The following SHROOM3 variants were observed in gnomAD, a reference collection of about 807,000 sequenced individuals.
The protein encoded by SHROOM3 is protein Shroom3.
A neutral mutation model predicts 138.6 loss-of-function variants in SHROOM3; 47 were observed. The ratio of observed to expected loss-of-function variants is 0.34; its 90% CI spans 0.27 to 0.43. The LOEUF is 0.43. SHROOM3 is among the 20% of genes least tolerant of loss of function. SHROOM3 has a pLI of 1.00. For synonymous variants in SHROOM3, 1,062 were observed against 1,063.3 expected, an observed-to-expected ratio of 1.00 and a Z score of 0.02; for missense variants, 2,491 against 2,596.5, an observed-to-expected ratio of 0.96 and a Z score of 0.88.
chr4:76,756,530 G>T lies in SHROOM3; in HGVS notation c.4791G>T (p.Leu1597=). The T allele has an allele frequency of 1.5e-5, 24 of 1,613,640 alleles. No homozygotes were observed. The highest frequency in any genetic ancestry group is 2.0e-5 in the Non-Finnish European group (24 of 1,179,978). Residue 1597 remains leucine (L), a synonymous_variant, in exon 8 of 11, where the codon CTG becomes CTT. Coordinates refer to ENST00000296043, the MANE Select transcript of SHROOM3 (RefSeq NM_020859.4). ...GAAHVVGSQT[L]ASRLQTSIKG... ...CCCATGTGGTAGGTAGTCAGACACT[G>T]GCTTCCAGACTCCAAACTTCTATCA...
intron 2 of SHROOM3, among the ~76,000 whole-genome samples, chr4:76,567,522 C>T (rs1411266144): frequency 1.3e-5 from 2 of 152,048 alleles, no homozygotes; most frequent in African/African-American, 4.8e-5. Context: ...TCGTGGTGAG[C>T]GCCTGTAGTC....
In SHROOM3 at chr4:76,511,049, G is replaced by A. The variant is rs996161893; in HGVS notation, c.169-44560G>A. On this transcript the variant is annotated intron_variant, in intron 1 of 10. Coordinates refer to ENST00000296043, the MANE Select transcript of SHROOM3 (RefSeq NM_020859.4). ...TACAAAAAATTAGCCAAGTGTGGTG[G>A]TTGGCGCCTGTAATCTCAGCTACTC... is the stretch of plus-strand genomic sequence containing the variant. Among the ~76,000 whole-genome samples the A allele has an allele frequency of 5.3e-4, 80 of 152,218 alleles. 1 individual carries two copies. The highest frequency in any genetic ancestry group is 2.8e-4 in the Non-Finnish European group (19 of 68,024).
chr4:76,741,557 C>T lies in SHROOM3; in HGVS notation c.3384C>T (p.Leu1128=), dbSNP rs747966989. Residue 1128 remains leucine (L), a synonymous_variant, in exon 5 of 11, where the codon CTC becomes CTT. Coordinates refer to ENST00000296043, the MANE Select transcript of SHROOM3 (RefSeq NM_020859.4). This position sits in a 1 kb window ranked among gnomAD's most constrained non-coding sequence, Gnocchi z 6.2. Reference sequence around the variant, plus strand: ...ACCTCCAGCCCGGCCCCGCGGCGCTCGAAGGCTCCGGCCTCGCCTCGGCCT... The same window carrying T: ...ACCTCCAGCCCGGCCCCGCGGCGCTTGAAGGCTCCGGCCTCGCCTCGGCCT... ...SAYLQPGPAA[L]EGSGLASASS... is the part of the protein sequence containing the mutation. 7 of 1,546,132 alleles carry T rather than the reference C, an allele frequency of 4.5e-6. No individual in the cohort carries two copies. The highest frequency in any genetic ancestry group is 6.1e-6 in the Non-Finnish European group (7 of 1,152,270).
At chr4:76,679,742 T>G (rs886935537) in intron 2 of SHROOM3, among the ~76,000 whole-genome samples, 5 of 152,186 alleles carry the variant, frequency 3.3e-5, no homozygotes, top group African/African-American at 1.2e-4. Context: ...CAGCTCAGCC[T>G]GTCCATCCTG....
chr4:76,447,102 C>G (rs961412229), intron 1 of SHROOM3, among the ~76,000 whole-genome samples: 14 of 152,172 alleles, frequency 9.2e-5, no homozygotes, highest in Non-Finnish European at 1.9e-4. Flanking sequence ...TTGGCCTCAT[C>G]TCTCACTCAT....
intron 1 of SHROOM3, among the ~76,000 whole-genome samples, chr4:76,443,475 C>T (rs1246710809): frequency 6.6e-6 from 1 of 152,170 alleles, no homozygotes; most frequent in Admixed American, 6.5e-5. Flanking sequence ...TTAACTAATC[C>T]ATAGACAGAC....
Position 76,511,713 on chromosome 4 carries a change from T to A in SHROOM3, c.169-43896T>A, listed in dbSNP as rs745687483. 2.0e-5 allele frequency among the ~76,000 whole-genome samples: 3 copies of A among 152,314 alleles called. No homozygotes were observed. The East Asian group carries it at 5.8e-4, about 29-fold the overall frequency. ...GAAAAAATTTCAAATAAAACACCCA[T>A]GTGTTGCCAGTCTATTCAAATATGT... On this transcript the variant is annotated intron_variant, in intron 1 of 10. Coordinates refer to ENST00000296043, the MANE Select transcript of SHROOM3 (RefSeq NM_020859.4).
chr4:76,501,999 T>G (rs78994135), intron 1 of SHROOM3, among the ~76,000 whole-genome samples: 358 of 152,252 alleles, frequency 2.4e-3, no homozygotes, highest in African/African-American at 8.1e-3. Flanking sequence ...TATTGAGAAG[T>G]GGGGTCTTTA....
At chr4:76,768,668 G>A (rs1228587521) in intron 9 of SHROOM3, among the ~76,000 whole-genome samples, 2 of 152,012 alleles carry the variant, frequency 1.3e-5, no homozygotes, top group African/African-American at 4.8e-5. Flanking sequence ...CCACCATCAC[G>A]CCTGGCTAAT....
At chr4:76,659,664 C>T (rs1164869264) in intron 2 of SHROOM3, among the ~76,000 whole-genome samples, 2 of 152,156 alleles carry the variant, frequency 1.3e-5, no homozygotes, top group African/African-American at 4.8e-5. Flanking sequence ...TCACTGCAAC[C>T]TCCGCCTCCC....
intron 2 of SHROOM3, among the ~76,000 whole-genome samples, chr4:76,661,471 C>T (rs1441369200): frequency 6.6e-6 from 1 of 151,998 alleles, no homozygotes; most frequent in African/African-American, 2.4e-5. Flanking sequence ...ACCTCATGAT[C>T]CGCCCACCTC....
At chr4:76,628,734 T>C (rs1408551878) in intron 2 of SHROOM3, 1 of 152,190 alleles carries the variant, frequency 6.6e-6, no homozygotes, top group Non-Finnish European at 1.5e-5. Context: ...TTGAAGGGCA[T>C]TTAAAAATTA....
chr4:76,596,594 A>G (rs1734393337), intron 2 of SHROOM3, among the ~76,000 whole-genome samples: 1 of 147,834 alleles, frequency 6.8e-6, no homozygotes, highest in African/African-American at 2.6e-5. Flanking sequence ...ACACACACAC[A>G]CACACACACA....
chr4:76,728,698 T>C (rs1279146998), intron 3 of SHROOM3, among the ~76,000 whole-genome samples: 2 of 152,228 alleles, frequency 1.3e-5, no homozygotes, highest in African/African-American at 2.4e-5. Flanking sequence ...TGTTCCTTTA[T>C]AGTTTCCAGG....
chr4:76,568,912 C>G (rs1733780841), intron 2 of SHROOM3, among the ~76,000 whole-genome samples: 1 of 152,200 alleles, frequency 6.6e-6, no homozygotes, highest in Non-Finnish European at 1.5e-5. Flanking sequence ...TCACCTCTCA[C>G]TTTTTTATCT....
At chr4:76,442,226 A>G (rs191452248) in intron 1 of SHROOM3, among the ~76,000 whole-genome samples, 14 of 152,334 alleles carry the variant, frequency 9.2e-5, no homozygotes, top group Non-Finnish European at 1.6e-4. Context: ...TTGTACAGCT[A>G]TAGGAAAATT....
intron 2 of SHROOM3, among the ~76,000 whole-genome samples, chr4:76,670,460 G>A (rs1404607623): frequency 6.6e-6 from 1 of 152,048 alleles, no homozygotes; most frequent in Admixed American, 6.5e-5. Flanking sequence ...GGGCATGAGG[G>A]AATTTTGGGG....
intron 3 of SHROOM3, among the ~76,000 whole-genome samples, chr4:76,712,186 G>T (rs918615932): frequency 6.6e-6 from 1 of 152,178 alleles, no homozygotes; most frequent in African/African-American, 2.4e-5. Context: ...GAAAGAAAAT[G>T]ATCAAGACCT....
At chr4:76,693,910 A>G (rs999571482) in intron 2 of SHROOM3, among the ~76,000 whole-genome samples, 1 of 150,554 alleles carries the variant, frequency 6.6e-6, no homozygotes, top group Admixed American at 6.6e-5. Flanking sequence ...GGCTCACAAC[A>G]TCTTCTGGGA....
Sources: allele counts gnomAD v4.1 joint callset (sites outside exome capture counted in the v4.1 genomes callset), GRCh38; gene constraint gnomAD v4.1.1; non-coding constraint Gnocchi (gnomAD v3.1); transcripts MANE v1.5; gene names NCBI Gene and HGNC (gene_info 2026-07-23, HGNC 2026-07-21).